The following ZC3HAV1 variants were observed in gnomAD, a reference collection of about 807,000 sequenced individuals.
ZC3HAV1 encodes the protein zinc finger CCCH-type containing, antiviral 1, also known as zinc finger CCCH-type antiviral protein 1.
A neutral mutation model predicts 86.6 loss-of-function variants in ZC3HAV1; 41 were observed. The observed-to-expected ratio is 0.47, with a 90% CI of 0.37 to 0.61. ZC3HAV1 has a LOEUF of 0.61. Among genes scored for constraint, ZC3HAV1 ranks in the 20% least tolerant of loss-of-function variants. ZC3HAV1 has a pLI of 0.00. For synonymous variants in ZC3HAV1, 421 were observed against 432.1 expected (o/e 0.97, Z 0.32); for missense variants, 964 against 1,141.1 (o/e 0.84, Z 2.24).
intron 8 of ZC3HAV1, among the ~76,000 whole-genome samples, chr7:139,063,223 C>T (rs1816500030): frequency 6.8e-6 from 1 of 147,024 alleles, no homozygotes; most frequent in Non-Finnish European, 1.5e-5. Flanking sequence ...CCCTTTTAAA[C>T]CATAAAAACA....
chr7:139,088,048 A>G (rs562321), intron 2 of ZC3HAV1, among the ~76,000 whole-genome samples: 2,046 of 150,960 alleles, frequency 0.014, 34 homozygotes, highest in African/African-American at 0.032. Context: ...AAAAAAAAAA[A>G]AAAAAAAGAA....
chr7:139,087,522 G>C (rs991218407), intron 2 of ZC3HAV1, among the ~76,000 whole-genome samples: 1 of 151,948 alleles, frequency 6.6e-6, no homozygotes, highest in Non-Finnish European at 1.5e-5. Context: ...GAATGCACGG[G>C]GCTGGAGAGC....
chr7:139,063,031 A>G (rs953524414), intron 8 of ZC3HAV1, among the ~76,000 whole-genome samples: 2 of 138,642 alleles, frequency 1.4e-5, no homozygotes, highest in Non-Finnish European at 3.0e-5. Context: ...CTGTCTCAAA[A>G]AAAAAAAAAA....
rs77429073 is a variant in ZC3HAV1, at chr7:139,089,018, C to T, written c.444+606G>A. ...TTGGGAGGCTGAGGCAGGAGAATTG[C>T]TTAAACCTGGGAGGCAGAGGTTGCA... On this transcript the variant is annotated intron_variant, in intron 2 of 12. Transcript: ENST00000242351. Among the ~76,000 whole-genome samples, 590 of 143,458 alleles carry T rather than the reference C, an allele frequency of 4.1e-3. 25 individuals carry two copies. The East Asian group carries it at 0.11, about 28-fold the overall frequency. The allele number at this position is 143,458 out of a possible 152,430, so 94.1% of individuals were successfully genotyped here. A position where few individuals can be genotyped will look rare whatever the true frequency, so the allele number is the denominator to read the frequency against.
chr7:139,074,105 A>G (rs1584854274), intron 6 of ZC3HAV1, 75 bp from the exon 7 acceptor site: 1 of 1,415,466 alleles, frequency 7.1e-7, no homozygotes. Context: ...TTCCCTAATG[A>G]GAGCACAGAA....
chr7:139,109,435 T>C lies in ZC3HAV1; in HGVS notation c.-104A>G. ...CAGGGGCGGGCGCGGGCGGTGCTACTGCTGGGCGCGCCCGGAGTCAGCGAG... is the reference window on the plus strand; with the variant it reads ...CAGGGGCGGGCGCGGGCGGTGCTACCGCTGGGCGCGCCCGGAGTCAGCGAG... On this transcript the variant is annotated 5_prime_UTR_variant, in exon 1 of 13. Transcript: ENST00000242351. 1 of 1,384,392 alleles carries C rather than the reference T, an allele frequency of 7.2e-7. No homozygotes were observed. The highest frequency in any genetic ancestry group is 9.5e-7 in the Non-Finnish European group (1 of 1,056,182). The allele number at this position is 1,384,392 out of a possible 1,614,324, so 85.8% of individuals were successfully genotyped here. A position where few individuals can be genotyped will look rare whatever the true frequency, so the allele number is the denominator to read the frequency against.
chr7:139,057,982 A>G (rs111978667), intron 9 of ZC3HAV1, among the ~76,000 whole-genome samples: 109 of 152,300 alleles, frequency 7.2e-4, no homozygotes, highest in African/African-American at 2.4e-3. Context: ...AACATGGGAT[A>G]GACTGAATGA....
At chr7:139,047,958 A>G in intron 12 of ZC3HAV1, 105 bp from the exon 13 acceptor site, 1 of 1,148,350 alleles carries the variant, frequency 8.7e-7, no homozygotes, top group Non-Finnish European at 1.2e-6. Flanking sequence ...AGCATATGTC[A>G]ATAATACCTT....
intron 1 of ZC3HAV1, among the ~76,000 whole-genome samples, chr7:139,092,802 G>A (rs899238019): frequency 7.9e-5 from 12 of 152,142 alleles, no homozygotes; most frequent in African/African-American, 2.9e-4. Flanking sequence ...CCATCCTCAG[G>A]CAAACTTCTT....
intron 1 of ZC3HAV1, 68 bp from the exon 2 acceptor site, chr7:139,089,827 A>G (rs1175080249): frequency 1.9e-5 from 28 of 1,511,478 alleles, no homozygotes; most frequent in Non-Finnish European, 2.4e-5. Context: ...AATCAGCCAT[A>G]AAACTTTCAG....
At chr7:139,106,019 A>G (rs970961982) in intron 1 of ZC3HAV1, among the ~76,000 whole-genome samples, 1 of 152,196 alleles carries the variant, frequency 6.6e-6, no homozygotes, top group African/African-American at 2.4e-5. Context: ...GAAATTAAAA[A>G]TATGGCTCTG....
In ZC3HAV1 at chr7:139,088,147, T is replaced by C. The variant is rs546004543; in HGVS notation, c.444+1477A>G. Among the ~76,000 whole-genome samples, 13 of 152,304 alleles carry C rather than the reference T, an allele frequency of 8.5e-5. No homozygotes were observed. The East Asian group carries it at 1.7e-3, about 20-fold the overall frequency. On this transcript the variant is annotated intron_variant, in intron 2 of 12. Transcript: ENST00000242351. ...ACCCATTATGTTTCTATGCCTCTCTTTAACTGTGAGGCTAACTTCTCTATT... is the reference window on the plus strand; with the variant it reads ...ACCCATTATGTTTCTATGCCTCTCTCTAACTGTGAGGCTAACTTCTCTATT...
chr7:139,072,218 T>A (rs1285560673), intron 7 of ZC3HAV1, among the ~76,000 whole-genome samples: 11 of 151,980 alleles, frequency 7.2e-5, no homozygotes, highest in Non-Finnish European at 1.6e-4. Flanking sequence ...GGAATCTCAC[T>A]TTTGTCACCC....
At chr7:139,067,654 T>A (rs776042509) in intron 7 of ZC3HAV1, among the ~76,000 whole-genome samples, 1 of 152,198 alleles carries the variant, frequency 6.6e-6, no homozygotes, top group South Asian at 2.1e-4. Flanking sequence ...ACCCTGACTT[T>A]ACTACTAGGT....
intron 7 of ZC3HAV1, among the ~76,000 whole-genome samples, chr7:139,067,752 G>A (rs968778287): frequency 6.6e-6 from 1 of 152,062 alleles, no homozygotes; most frequent in Admixed American, 6.6e-5. Flanking sequence ...AAGCATACAC[G>A]TTCATTTAAT....
intron 12 of ZC3HAV1, among the ~76,000 whole-genome samples, chr7:139,048,378 G>T (rs548347525): frequency 1.3e-5 from 2 of 152,146 alleles, no homozygotes; most frequent in African/African-American, 4.8e-5. Flanking sequence ...GGTTGAGGCG[G>T]GTGGATCACA....
At chr7:139,072,312 G>A (rs953703976) in intron 7 of ZC3HAV1, among the ~76,000 whole-genome samples, 6 of 151,958 alleles carry the variant, frequency 3.9e-5, no homozygotes, top group African/African-American at 1.5e-4. Context: ...AGACTCCTGA[G>A]TAGCTGGGAT....
intron 2 of ZC3HAV1, among the ~76,000 whole-genome samples, chr7:139,084,970 GGAT>G: frequency 6.6e-6 from 1 of 152,262 alleles, no homozygotes; most frequent in South Asian, 2.1e-4. Flanking sequence ...TTTGCCACAT[GGAT>G]AATCGCTAAA....
At chr7:139,087,218 G>T (rs1264455960) in intron 2 of ZC3HAV1, among the ~76,000 whole-genome samples, 1 of 152,184 alleles carries the variant, frequency 6.6e-6, no homozygotes, top group Non-Finnish European at 1.5e-5. Flanking sequence ...ATATGTCTCT[G>T]ATCATCAGCA....
Sources: gnomAD v4.1 joint callset for allele counts (sites outside exome capture counted in the v4.1 genomes callset) on GRCh38, gnomAD v4.1.1 for gene constraint, MANE v1.5 for transcripts, NCBI Gene and HGNC (gene_info 2026-07-23, HGNC 2026-07-21) for gene names.